Variants in MBD5 observed in about 807,000 individuals in gnomAD.
MBD5 encodes the protein methyl-CpG binding domain protein 5, also known as methyl-CpG-binding domain protein 5.
Under a neutral mutation model 117.3 loss-of-function variants are expected in MBD5, and 13 were observed. The ratio of observed to expected loss-of-function variants is 0.11; its 90% CI spans 0.07 to 0.18. The LOEUF is 0.18. Among genes scored for constraint, MBD5 ranks in the 10% least tolerant of loss-of-function variants. MBD5 has a pLI of 1.00. For synonymous variants in MBD5, 727 were observed against 766.4 expected, an observed-to-expected ratio of 0.95 and a Z score of 0.85; for missense variants, 1,879 against 2,093.8, an observed-to-expected ratio of 0.90 and a Z score of 2.00.
intron 4 of MBD5, 84 bp from the exon 5 acceptor site, chr2:148,458,119 C>T (rs569506346): frequency 2.8e-5 from 11 of 394,738 alleles, no homozygotes; most frequent in African/African-American, 1.9e-4. Flanking sequence ...GGGTACACTT[C>T]GTAGTTTATT....
At chr2:148,168,274 T>C (rs2105784108) in intron 1 of MBD5, among the ~76,000 whole-genome samples, 1 of 152,258 alleles carries the variant, frequency 6.6e-6, no homozygotes, top group Non-Finnish European at 1.5e-5. Context: ...TTCATCCATA[T>C]TTTTAGGATG....
At chr2:148,027,378 G>GT (rs1245242191) in intron 1 of MBD5, 1 of 151,930 alleles carries the variant, frequency 6.6e-6, no homozygotes, top group Non-Finnish European at 1.5e-5. Flanking sequence ...GGGTAGTTGA[G>GT]TTTTACATCC....
intron 4 of MBD5, among the ~76,000 whole-genome samples, chr2:148,402,934 A>G (rs1284659269): frequency 2.0e-5 from 3 of 151,720 alleles, no homozygotes; most frequent in Non-Finnish European, 2.9e-5. Flanking sequence ...TGATAATTCT[A>G]TTCATTTTAT....
chr2:148,367,472 C>CA (rs1195341473), intron 4 of MBD5, among the ~76,000 whole-genome samples: 11 of 152,134 alleles, frequency 7.2e-5, no homozygotes, highest in Non-Finnish European at 1.2e-4. Flanking sequence ...CCAAAATTGA[C>CA]AAACAGGATC....
At chr2:148,102,760 A>AG (rs1696263830) in intron 1 of MBD5, among the ~76,000 whole-genome samples, 1 of 111,686 alleles carries the variant, frequency 9.0e-6, no homozygotes, top group Non-Finnish European at 2.0e-5. Context: ...AGAGAGAGAG[A>AG]GGAAGAGAGA....
At chr2:148,338,497 A>G (rs1335580211) in intron 3 of MBD5, among the ~76,000 whole-genome samples, 1 of 152,178 alleles carries the variant, frequency 6.6e-6, no homozygotes, top group Non-Finnish European at 1.5e-5. Flanking sequence ...TATAAATACT[A>G]CAATAAAGAC....
intron 4 of MBD5, among the ~76,000 whole-genome samples, chr2:148,364,471 C>G (rs773792007): frequency 2.4e-4 from 37 of 152,278 alleles, no homozygotes; most frequent in East Asian, 2.3e-3. Context: ...ATCATAATGA[C>G]AGGATCAAAT....
rs1693728895 is a variant in MBD5 at position 148,021,510 on chromosome 2, GCTACTGCTGCTGCTT to G, written c.-1098_-1084del. On this transcript the variant is annotated 5_prime_UTR_variant, in exon 1 of 14. Transcript: ENST00000642680. ...TGCTGCTGCTGCTACTGCTGCTGCT[GCTACTGCTGCTGCTT>G]GGCCCTGGCTGGAGACATCTCACTA... 1 of 575,202 alleles carries G rather than the reference GCTACTGCTGCTGCTT, an allele frequency of 1.7e-6. No individual in the cohort carries two copies. 35.6% of individuals were successfully genotyped at this position (575,202 alleles called of 1,614,324 possible).
At chr2:148,062,451 A>T (rs1476043456) in intron 1 of MBD5, 2 of 151,952 alleles carry the variant, frequency 1.3e-5, no homozygotes, top group Admixed American at 6.5e-5. Flanking sequence ...AAATGTGTGT[A>T]ATTTTATGTA....
intron 3 of MBD5, among the ~76,000 whole-genome samples, chr2:148,332,457 CCT>C (rs1702683419): frequency 6.6e-6 from 1 of 152,074 alleles, no homozygotes; most frequent in Non-Finnish European, 1.5e-5. Context: ...TCTTTCTGCC[CCT>C]GTTTTGAGTT....
At chr2:148,394,545 G>GTTTTTTTTTTTTTTCTTTTTTTTT (rs1704651890) in intron 4 of MBD5, among the ~76,000 whole-genome samples, 3 of 121,848 alleles carry the variant, frequency 2.5e-5, no homozygotes, top group Non-Finnish European at 3.4e-5. Flanking sequence ...CTGTACTTTG[G>GTTTTTTTTTTTTTTCTTTTTTTTT]TTTTTTTTTT....
At chr2:148,153,276 C>T (rs1697745197) in intron 1 of MBD5, among the ~76,000 whole-genome samples, 1 of 152,012 alleles carries the variant, frequency 6.6e-6, no homozygotes, top group Admixed American at 6.6e-5. Flanking sequence ...CCCCCACTCT[C>T]TTCTGGCTTG....
chr2:148,484,843 T>C (rs1681285334), intron 9 of MBD5, among the ~76,000 whole-genome samples: 1 of 152,178 alleles, frequency 6.6e-6, no homozygotes, highest in African/African-American at 2.4e-5. Context: ...GGGGATGGTG[T>C]CCATAAAGTC....
At chr2:148,316,353 G>A (rs1251920915) in intron 3 of MBD5, among the ~76,000 whole-genome samples, 1 of 152,202 alleles carries the variant, frequency 6.6e-6, no homozygotes, top group African/African-American at 2.4e-5. Context: ...AGTAGGTCTT[G>A]TAAATGTTTT....
intron 3 of MBD5, among the ~76,000 whole-genome samples, chr2:148,294,501 G>GTTTGTTTTTT (rs1553496237): frequency 8.8e-6 from 1 of 113,216 alleles, no homozygotes; most frequent in African/African-American, 3.7e-5. Context: ...TGGGATTACA[G>GTTTGTTTTTT]TTTTTTTTTT....
At position 148,473,717 on chromosome 2, in the gene MBD5, A is replaced by G. The variant is rs1308859569; in HGVS notation, c.2518+3256A>G. ...GGCATTTAAAACATACAACTTAAGC[A>G]TGGGAATTGAAGGCAAAGATAGTAG... On this transcript the variant is annotated intron_variant, in intron 8 of 13. Coordinates refer to ENST00000642680, the MANE Select transcript of MBD5 (RefSeq NM_001378120.1). Among the ~76,000 whole-genome samples, 4 of 152,160 alleles carry G rather than the reference A, an allele frequency of 2.6e-5. No individual in the cohort carries two copies. The East Asian group carries it at 7.7e-4, about 29-fold the overall frequency.
At chr2:148,470,664 G>A (rs1680767183) in intron 8 of MBD5, 2 of 540,616 alleles carry the variant, frequency 3.7e-6, no homozygotes. Flanking sequence ...AGGATTTCAT[G>A]TGTTTCCATT....
chr2:148,497,408 C>G (rs907672149), intron 11 of MBD5, among the ~76,000 whole-genome samples: 3 of 151,998 alleles, frequency 2.0e-5, no homozygotes, highest in Admixed American at 2.0e-4. Flanking sequence ...GCAAAGGAGG[C>G]CAGGCACAGT....
At chr2:148,387,213 C>T (rs184844504) in intron 4 of MBD5, among the ~76,000 whole-genome samples, 104 of 152,126 alleles carry the variant, frequency 6.8e-4, no homozygotes, top group African/African-American at 2.3e-3. Flanking sequence ...GAAAATACAT[C>T]GTGACCACGG....
Sources: gnomAD v4.1 joint callset for allele counts (sites outside exome capture counted in the v4.1 genomes callset) on GRCh38, gnomAD v4.1.1 for gene constraint, MANE v1.5 for transcripts, NCBI Gene and HGNC (gene_info 2026-07-23, HGNC 2026-07-21) for gene names.